Variants in WBP2NL observed in about 807,000 individuals in gnomAD.
WBP2NL encodes WBP2 N-terminal like, also known as postacrosomal sheath WW domain-binding protein.
WBP2NL carries 27 observed loss-of-function variants against 23.3 expected under a neutral mutation model. The ratio of observed to expected loss-of-function variants is 1.16; its 90% confidence interval spans 0.85 to 1.60. The LOEUF (loss-of-function observed/expected upper bound fraction) is 1.60, where lower values mean the gene tolerates loss of function less well. WBP2NL is among the 40% of genes most tolerant of loss of function. WBP2NL has a pLI of 0.00. For missense variants in WBP2NL, 370 were observed against 389.5 expected, an observed-to-expected ratio of 0.95 and a Z score of 0.42; for synonymous variants, 151 against 145.9, an observed-to-expected ratio of 1.03 and a Z score of -0.25.
At chr22:42,045,659 G>C (rs1430559614) in intron 8 of WBP2NL, among the ~76,000 whole-genome samples, 5 of 152,090 alleles carry the variant, frequency 3.3e-5, no homozygotes, top group Non-Finnish European at 1.5e-5. Context: ...ACTCACACAA[G>C]AAGAAACAGA....
chr22:42,004,731 T>C (rs535181966), intron 1 of WBP2NL, among the ~76,000 whole-genome samples: 2 of 150,848 alleles, frequency 1.3e-5, no homozygotes, highest in South Asian at 4.2e-4. Flanking sequence ...CCAGACCAGC[T>C]TGGCCAACAT....
intron 8 of WBP2NL, among the ~76,000 whole-genome samples, chr22:42,056,234 C>T (rs562538182): frequency 5.3e-5 from 8 of 152,174 alleles, no homozygotes; most frequent in African/African-American, 9.6e-5. Flanking sequence ...TTATTCTGAA[C>T]TATCTCATTC....
At chr22:42,044,838 G>T (rs1230908322) in intron 8 of WBP2NL, among the ~76,000 whole-genome samples, 1 of 151,972 alleles carries the variant, frequency 6.6e-6, no homozygotes, top group Non-Finnish European at 1.5e-5. Flanking sequence ...TGTAGAGATG[G>T]ATGTCACTCT....
chr22:42,018,782 G>A (rs77694831), intron 1 of WBP2NL, among the ~76,000 whole-genome samples: 4,279 of 152,198 alleles, frequency 0.028, 194 homozygotes, highest in African/African-American at 0.097. Flanking sequence ...AGAATCCAAT[G>A]ATGAAGAGGG....
intron 8 of WBP2NL, among the ~76,000 whole-genome samples, chr22:42,053,805 T>C (rs570042658): frequency 6.6e-6 from 1 of 152,306 alleles, no homozygotes; most frequent in Admixed American, 6.5e-5. Context: ...GTATAACTCT[T>C]TGGAGATATG....
chr22:42,027,226 C>CCATA lies in WBP2NL; in HGVS notation c.*46_*47insATAC. ...TGAAGACTCACCAAGCAAAGAGGTA[C>CCATA]CCTAAAATTGAAGTCAGGATAAGGA... On this transcript the variant is annotated 3_prime_UTR_variant, in exon 6 of 6. Coordinates refer to ENST00000328823, the MANE Select transcript of WBP2NL (RefSeq NM_152613.3). The CCATA allele has an allele frequency of 6.5e-7, 1 of 1,549,756 alleles. No homozygotes were observed. The highest frequency in any genetic ancestry group is 8.7e-7 in the Non-Finnish European group (1 of 1,151,156).
At chr22:42,055,075 T>C (rs1338487107) in intron 8 of WBP2NL, among the ~76,000 whole-genome samples, 2 of 152,208 alleles carry the variant, frequency 1.3e-5, no homozygotes, top group Non-Finnish European at 2.9e-5. Flanking sequence ...AGTTTTGCTC[T>C]GTCACCCAGG....
intron 1 of WBP2NL, among the ~76,000 whole-genome samples, chr22:42,010,599 C>T (rs909625461): frequency 5.3e-5 from 8 of 151,916 alleles, no homozygotes; most frequent in East Asian, 1.9e-4. Flanking sequence ...AGTGCAGTGG[C>T]GCAATCTCGG....
At chr22:42,040,245 CAG>C (rs1169437492) in intron 8 of WBP2NL, among the ~76,000 whole-genome samples, 1 of 144,996 alleles carries the variant, frequency 6.9e-6, no homozygotes, top group Non-Finnish European at 1.5e-5. Flanking sequence ...TTTTTTTAGA[CAG>C]AGTCTTGCTC....
At chr22:42,042,342 G>A (rs553798789) in intron 8 of WBP2NL, among the ~76,000 whole-genome samples, 4 of 151,878 alleles carry the variant, frequency 2.6e-5, no homozygotes, top group East Asian at 1.9e-4. Context: ...AGCTTTCTTC[G>A]TACATTTTAG....
chr22:42,004,202 G>A (rs575747858), intron 1 of WBP2NL, among the ~76,000 whole-genome samples: 5 of 152,314 alleles, frequency 3.3e-5, no homozygotes, highest in Admixed American at 2.0e-4. Context: ...AACCCAGGAG[G>A]TGGAGGTTGC....
rs749559350 is a variant in WBP2NL, at chr22:41,999,940, A to T, written c.62+1060A>T. On this transcript the variant is annotated intron_variant, in intron 1 of 5. Coordinates refer to ENST00000328823, the MANE Select transcript of WBP2NL (RefSeq NM_152613.3). ...GGTGCCCATCTCCACCTTCAAGCAC[A>T]CTTGTTCACTAAGGCCTGACTCCAC... is the stretch of plus-strand genomic sequence containing the variant. Among the ~76,000 whole-genome samples the T allele has an allele frequency of 5.3e-5, 8 of 151,998 alleles. No individual in the cohort carries two copies. In the South Asian group the frequency reaches 6.2e-4, roughly 12 times the overall value.
chr22:42,008,237 C>G (rs1922482445), intron 1 of WBP2NL, among the ~76,000 whole-genome samples: 1 of 132,426 alleles, frequency 7.6e-6, no homozygotes, highest in Non-Finnish European at 1.6e-5. Flanking sequence ...TTGACAGAGT[C>G]TCACTCTGTC....
intron 1 of WBP2NL, among the ~76,000 whole-genome samples, chr22:42,005,077 C>G (rs1372916429): frequency 6.6e-6 from 1 of 150,506 alleles, no homozygotes; most frequent in African/African-American, 2.5e-5. Flanking sequence ...ATTAGCCAGG[C>G]GTGGTGGTGC....
At chr22:42,046,723 T>C (rs1028250836) in intron 8 of WBP2NL, among the ~76,000 whole-genome samples, 1 of 152,252 alleles carries the variant, frequency 6.6e-6, no homozygotes, top group African/African-American at 2.4e-5. Flanking sequence ...CTCAGTGATG[T>C]ACTATTCTGA....
chr22:42,023,993 A>G (rs1245264609), intron 5 of WBP2NL, among the ~76,000 whole-genome samples: 2 of 151,968 alleles, frequency 1.3e-5, no homozygotes, highest in Admixed American at 6.6e-5. Context: ...GTTATTCCCC[A>G]TTGTCCCCTC....
At chr22:42,000,963 A>C (rs979751389) in intron 1 of WBP2NL, 7 of 428,574 alleles carry the variant, frequency 1.6e-5, no homozygotes, top group Non-Finnish European at 2.9e-5. Flanking sequence ...ACTGCACTCC[A>C]CCCTGGGCAA....
intron 8 of WBP2NL, among the ~76,000 whole-genome samples, chr22:42,043,462 G>A (rs1925472354): frequency 6.6e-6 from 1 of 152,208 alleles, no homozygotes; most frequent in Non-Finnish European, 1.5e-5. Context: ...GGCATATATT[G>A]TGGTGAAGGC....
intron 1 of WBP2NL, among the ~76,000 whole-genome samples, chr22:42,006,034 A>G (rs1457037031): frequency 6.6e-6 from 1 of 152,170 alleles, no homozygotes; most frequent in East Asian, 1.9e-4. Context: ...CTTTGTTTTA[A>G]GAAAATTAGG....
Sources: allele counts gnomAD v4.1 joint callset (sites outside exome capture counted in the v4.1 genomes callset), GRCh38; gene constraint gnomAD v4.1.1; transcripts MANE v1.5; gene names NCBI Gene and HGNC (gene_info 2026-07-23, HGNC 2026-07-21).